The following SLC13A3 variants were observed in gnomAD, a reference collection of about 807,000 sequenced individuals.
SLC13A3 encodes Na(+)/dicarboxylate cotransporter 3.
SLC13A3 carries 40 observed loss-of-function variants against 59.0 expected under a neutral mutation model. That is an observed-to-expected ratio of 0.68 (90% CI 0.53 to 0.88). The LOEUF (loss-of-function observed/expected upper bound fraction) is 0.88, where lower values mean the gene tolerates loss of function less well. SLC13A3 is among the 40% of genes least tolerant of loss of function. The probability of loss-of-function intolerance (pLI) is 0.00; values close to 1 mark genes in which losing one functional copy is unlikely to be tolerated. For missense variants in SLC13A3, 699 were observed against 783.2 expected, an observed-to-expected ratio of 0.89 and a Z score of 1.28; for synonymous variants, 317 against 330.3, an observed-to-expected ratio of 0.96 and a Z score of 0.44.
intron 4 of SLC13A3, among the ~76,000 whole-genome samples, chr20:46,599,717 C>T (rs1206309326): frequency 6.6e-6 from 1 of 152,130 alleles, no homozygotes; most frequent in Non-Finnish European, 1.5e-5. Flanking sequence ...AGGAAAGTAC[C>T]TGTGATCCTC....
intron 1 of SLC13A3, among the ~76,000 whole-genome samples, chr20:46,664,068 G>A (rs570699849): frequency 2.0e-5 from 3 of 152,072 alleles, no homozygotes; most frequent in Non-Finnish European, 4.4e-5. Flanking sequence ...TCTCAACCCC[G>A]GCTGCACATT....
chr20:46,677,275 T>C (rs910572321), intron 1 of SLC13A3, among the ~76,000 whole-genome samples: 1 of 152,050 alleles, frequency 6.6e-6, no homozygotes, highest in African/African-American at 2.4e-5. Context: ...ATGCCTGCAG[T>C]TTCATGAAGT....
rs187304923 is a variant in SLC13A3, at chr20:46,597,910, G to A, written c.609-1568C>T. Among the ~76,000 whole-genome samples the A allele has an allele frequency of 9.4e-4, 143 of 152,302 alleles. 3 individuals carry two copies. The South Asian group carries it at 0.029, about 30-fold the overall frequency. ...TAAGCGAATGAAACTGAGAATTGCT[G>A]TAGCACTGATAGATATGTTAATGAG... On this transcript the variant is annotated intron_variant, in intron 4 of 12. Coordinates refer to ENST00000279027, the MANE Select transcript of SLC13A3 (RefSeq NM_022829.6).
chr20:46,571,076 G>A (rs1244666899), intron 10 of SLC13A3, among the ~76,000 whole-genome samples: 5 of 152,116 alleles, frequency 3.3e-5, no homozygotes, highest in Admixed American at 2.6e-4. Flanking sequence ...AAGAAGTGCC[G>A]AGCAGAAGGG....
rs80072974 is a variant in SLC13A3, at chr20:46,573,627, G to A, written c.1332+1946C>T. Among the ~76,000 whole-genome samples the A allele has an allele frequency of 8.7e-3, 1,326 of 152,230 alleles. 63 individuals are homozygous for A. In the East Asian group the frequency reaches 0.15, roughly 18 times the overall value. ...CATGCAGTTTTTAGCACTTCTTATC[G>A]GCTATATGTATTGGGCAGTTATTCT... On this transcript the variant is annotated intron_variant, in intron 10 of 12. Transcript: ENST00000279027.
intron 1 of SLC13A3, among the ~76,000 whole-genome samples, chr20:46,615,142 G>A (rs1815218640): frequency 6.6e-6 from 1 of 152,196 alleles, no homozygotes; most frequent in Non-Finnish European, 1.5e-5. Context: ...CATGATCACT[G>A]TTGGAATGAA....
chr20:46,655,217 TAATATACACATAC>T (rs1398220986), upstream of SLC13A3, among the ~76,000 whole-genome samples: 5 of 39,870 alleles, frequency 1.3e-4, no homozygotes, highest in African/African-American at 5.1e-4. Context: ...TGTAGATTTA[TAATATACACATAC>T]ATATATACAC....
intron 8 of SLC13A3, 141 bp from the exon 9 acceptor site, chr20:46,583,810 T>G: frequency 1.4e-6 from 2 of 1,477,060 alleles, no homozygotes; most frequent in Non-Finnish European, 1.8e-6. Flanking sequence ...CACTGGATTC[T>G]GTCCTTCAGT....
At chr20:46,643,929 T>C (rs1356307057) in intron 1 of SLC13A3, among the ~76,000 whole-genome samples, 1 of 152,060 alleles carries the variant, frequency 6.6e-6, no homozygotes, top group Non-Finnish European at 1.5e-5. Context: ...TCCCAGCCAC[T>C]TGGGAGACTG....
chr20:46,637,328 C>T (rs1482526190), intron 1 of SLC13A3, among the ~76,000 whole-genome samples: 4 of 152,148 alleles, frequency 2.6e-5, no homozygotes, highest in Non-Finnish European at 4.4e-5. Flanking sequence ...TCTGGGACTT[C>T]GGGATTTTGG....
At chr20:46,608,512 G>C (rs1277004347) in intron 3 of SLC13A3, among the ~76,000 whole-genome samples, 1 of 152,172 alleles carries the variant, frequency 6.6e-6, no homozygotes, top group Admixed American at 6.5e-5. Flanking sequence ...GCATAGAGCT[G>C]ACTCTGCCAC....
chr20:46,682,841 G>A (rs931024567), intron 1 of SLC13A3, among the ~76,000 whole-genome samples: 1 of 152,160 alleles, frequency 6.6e-6, no homozygotes, highest in Non-Finnish European at 1.5e-5. Context: ...TGCTAGTGCT[G>A]TTGGCTCAGC....
intron 6 of SLC13A3, among the ~76,000 whole-genome samples, chr20:46,589,631 T>C (rs1490418007): frequency 6.6e-6 from 1 of 152,208 alleles, no homozygotes; most frequent in Non-Finnish European, 1.5e-5. Context: ...AGATGGGCTA[T>C]TCAGTAAATG....
At chr20:46,621,913 C>T (rs187005276) in intron 1 of SLC13A3, among the ~76,000 whole-genome samples, 36 of 152,298 alleles carry the variant, frequency 2.4e-4, no homozygotes, top group Middle Eastern at 3.4e-3. Context: ...TTCCAAAATA[C>T]GTTTGACCAC....
chr20:46,627,519 C>T (rs2062686480), intron 1 of SLC13A3, among the ~76,000 whole-genome samples: 1 of 152,024 alleles, frequency 6.6e-6, no homozygotes, highest in Non-Finnish European at 1.5e-5. Context: ...AATGTGGGTC[C>T]CGTGATGCCA....
upstream of SLC13A3, among the ~76,000 whole-genome samples, chr20:46,655,963 A>G (rs1399556808): frequency 7.0e-6 from 1 of 142,840 alleles, no homozygotes; most frequent in East Asian, 2.0e-4. Context: ...GTATACATAT[A>G]TGTATATATG....
chr20:46,678,821 G>A (rs907486793), intron 1 of SLC13A3, among the ~76,000 whole-genome samples: 6 of 152,156 alleles, frequency 3.9e-5, no homozygotes, highest in African/African-American at 1.4e-4. Flanking sequence ...TGGGGCTGGT[G>A]GGAGGTACTG....
chr20:46,664,112 C>T (rs527289091), intron 1 of SLC13A3, among the ~76,000 whole-genome samples: 1 of 152,284 alleles, frequency 6.6e-6, no homozygotes, highest in East Asian at 1.9e-4. Flanking sequence ...AGTGCTGATG[C>T]TCCATCCTCA....
upstream of SLC13A3, among the ~76,000 whole-genome samples, chr20:46,672,391 A>G (rs2063098070): frequency 1.3e-5 from 2 of 152,240 alleles, no homozygotes; most frequent in African/African-American, 2.4e-5. Flanking sequence ...TCATCTATTC[A>G]TTTATTCATT....
Sources: allele counts gnomAD v4.1 joint callset (sites outside exome capture counted in the v4.1 genomes callset), GRCh38; gene constraint gnomAD v4.1.1; transcripts MANE v1.5; gene names NCBI Gene and HGNC (gene_info 2026-07-23, HGNC 2026-07-21).